CNTN4: variants seen among roughly 807,000 people sequenced by gnomAD.
CNTN4 encodes the protein contactin 4.
In CNTN4, 77 loss-of-function variants were observed where a neutral mutation model predicts 122.5. The ratio of observed to expected loss-of-function variants is 0.63; its 90% CI spans 0.52 to 0.76. The LOEUF (loss-of-function observed/expected upper bound fraction) is 0.76. CNTN4 is among the 30% of genes least tolerant of loss of function. CNTN4 has a pLI of 0.00. For missense variants in CNTN4, 1,256 were observed against 1,259.1 expected (o/e 1.00, Z 0.04); for synonymous variants, 512 against 447.0 (o/e 1.15, Z -1.83).
chr3:3,035,991 C>T (rs1699570810), intron 17 of CNTN4, among the ~76,000 whole-genome samples: 1 of 151,400 alleles, frequency 6.6e-6, no homozygotes, highest in South Asian at 2.1e-4. Flanking sequence ...TACATGTATA[C>T]AGCACTTCCT....
chr3:2,111,460 A>C lies in CNTN4; in HGVS notation c.-145+10821A>C, dbSNP rs773664699. ...CAACATATTAAGGTAAACTCTTAAGAAAAGAAACATAATATAATGTACTCC... is the reference window on the plus strand; with the variant it reads ...CAACATATTAAGGTAAACTCTTAAGCAAAGAAACATAATATAATGTACTCC... On this transcript the variant is annotated intron_variant, in intron 2 of 24. Coordinates refer to ENST00000418658, the MANE Select transcript of CNTN4 (RefSeq NM_175607.3). Among the ~76,000 whole-genome samples, 4 of 152,284 alleles carry C rather than the reference A, an allele frequency of 2.6e-5. No homozygotes were observed. In the South Asian group the frequency reaches 6.2e-4, roughly 24 times the overall value.
chr3:2,662,476 G>A (rs1340428956), intron 4 of CNTN4, among the ~76,000 whole-genome samples: 1 of 152,190 alleles, frequency 6.6e-6, no homozygotes, highest in East Asian at 1.9e-4. Flanking sequence ...TGTGCAAGAT[G>A]CTTTTATGAT....
intron 2 of CNTN4, among the ~76,000 whole-genome samples, chr3:2,200,861 T>C (rs2038066126): frequency 6.6e-6 from 1 of 152,178 alleles, no homozygotes; most frequent in Admixed American, 6.5e-5. Context: ...AGAGAAGAAT[T>C]GAAAATTTGG....
chr3:2,684,147 A>G (rs1006729850), intron 4 of CNTN4, among the ~76,000 whole-genome samples: 4 of 152,176 alleles, frequency 2.6e-5, no homozygotes, highest in African/African-American at 9.6e-5. Flanking sequence ...AGGAGTCTCC[A>G]TTTAAAATTT....
At chr3:2,539,027 T>G (rs2077927271) in intron 3 of CNTN4, among the ~76,000 whole-genome samples, 2 of 152,038 alleles carry the variant, frequency 1.3e-5, no homozygotes, top group Admixed American at 6.6e-5. Flanking sequence ...ATTTAGTTTC[T>G]TTTTAGCTTT....
At position 2,623,869 on chromosome 3, in the gene CNTN4, C is replaced by T. The variant is rs78900508; in HGVS notation, c.55+52311C>T. Among the ~76,000 whole-genome samples, 428 of 152,236 alleles carry T rather than the reference C, an allele frequency of 2.8e-3. 4 individuals carry two copies. The highest frequency in any genetic ancestry group is 9.9e-3 in the African/African-American group (411 of 41,566). ...AACAAGATACAGTACGTCAGGGTTT[C>T]TTAACCAGGCCTCACACATAGAAAA... On this transcript the variant is annotated intron_variant, in intron 4 of 24. Transcript: ENST00000418658.
chr3:2,318,066 G>A (rs757792205), intron 2 of CNTN4, among the ~76,000 whole-genome samples: 6 of 152,030 alleles, frequency 3.9e-5, no homozygotes, highest in South Asian at 2.1e-4. Flanking sequence ...AGTTTAAGAC[G>A]CCGAGCTCTG....
intron 6 of CNTN4, among the ~76,000 whole-genome samples, chr3:2,751,878 A>T (rs78698989): frequency 0.026 from 3,905 of 152,254 alleles, 163 homozygotes; most frequent in African/African-American, 0.088. Flanking sequence ...GCTTGAGAAG[A>T]TGAGATGTTA....
rs147893882 is a variant in CNTN4, at chr3:2,958,304, A to G, written c.1359-30041A>G. ...TTAATAAGTGAGCACCCCATTTTAT[A>G]TACTAGTTTCTCATTAGTTCTTATA... On this transcript the variant is annotated intron_variant, in intron 13 of 24. Transcript: ENST00000418658. 8.0e-3 allele frequency among the ~76,000 whole-genome samples: 1,223 copies of G among 152,304 alleles called. 14 individuals carry two copies. Among genetic ancestry groups the G allele is most frequent in the African/African-American group, 0.028 (1,164 of 41,562 alleles).
At chr3:2,390,022 A>T (rs1249886736) in intron 3 of CNTN4, among the ~76,000 whole-genome samples, 2 of 152,210 alleles carry the variant, frequency 1.3e-5, no homozygotes, top group Non-Finnish European at 2.9e-5. Flanking sequence ...TTTAAAGGAC[A>T]TTACTGGGAC....
chr3:2,955,147 G>A (rs115510124), intron 13 of CNTN4, among the ~76,000 whole-genome samples: 5 of 152,072 alleles, frequency 3.3e-5, no homozygotes, highest in African/African-American at 9.7e-5. Flanking sequence ...ACTAAAAAAC[G>A]GTAGACAGAA....
intron 2 of CNTN4, among the ~76,000 whole-genome samples, chr3:2,119,180 G>A (rs991841505): frequency 6.6e-6 from 1 of 152,192 alleles, no homozygotes; most frequent in African/African-American, 2.4e-5. Context: ...TTGGTCTCTG[G>A]CTGTGACATT....
intron 2 of CNTN4, among the ~76,000 whole-genome samples, chr3:2,208,288 A>T (rs1404791960): frequency 6.6e-6 from 1 of 152,152 alleles, no homozygotes. Context: ...GTTTATTCTG[A>T]CCGTCGTGGA....
At chr3:2,987,566 A>AT (rs1380071620) in intron 13 of CNTN4, among the ~76,000 whole-genome samples, 1 of 152,156 alleles carries the variant, frequency 6.6e-6, no homozygotes, top group African/African-American at 2.4e-5. Flanking sequence ...ATCTGTGTAC[A>AT]TTTTTTACTT....
intron 6 of CNTN4, among the ~76,000 whole-genome samples, chr3:2,791,300 G>C (rs1332615432): frequency 6.6e-6 from 1 of 152,200 alleles, no homozygotes. Flanking sequence ...GGGAAGCCAA[G>C]GCGGGCTGAT....
chr3:3,030,933 A>C lies in CNTN4; in HGVS notation c.1741A>C (p.Ser581Arg), dbSNP rs922320513. ...AGKYVCMVQTSVDRLSAAADL... is the reference protein window; with the variant it reads ...AGKYVCMVQTRVDRLSAAADL... ...GAAATATGTCTGCATGGTCCAAACA[A>C]GTGTGGACAGGCTATCTGCTGCTGC... Residue 581 changes from serine (S) to arginine (R), a missense_variant, in exon 16 of 25, where the codon AGT becomes CGT. Ser to Arg is a moderately radical substitution (Grantham distance 110, BLOSUM62 -1). Transcript: ENST00000418658. 6.2e-7 allele frequency: 1 copy of C among 1,613,802 alleles called. No homozygotes were observed. The highest frequency in any genetic ancestry group is 2.2e-5 in the East Asian group (1 of 44,900).
At position 2,573,829 on chromosome 3, in the gene CNTN4, G is replaced by A. The variant is rs139348375; in HGVS notation, c.55+2271G>A. Among the ~76,000 whole-genome samples the A allele has an allele frequency of 1.1e-3, 163 of 152,258 alleles. 1 individual carries two copies. Among genetic ancestry groups the A allele is most frequent in the Middle Eastern group, 0.01 (3 of 294 alleles). ...TTACCATATGCCTTCTTCAGTGTAG[G>A]AAAGTCAAGCTTTAATTAATGTTTT... On this transcript the variant is annotated intron_variant, in intron 4 of 24. Transcript: ENST00000418658.
chr3:2,136,518 G>T (rs1209840681), intron 2 of CNTN4, among the ~76,000 whole-genome samples: 1 of 151,976 alleles, frequency 6.6e-6, no homozygotes, highest in Non-Finnish European at 1.5e-5. Context: ...TTCCATTCTT[G>T]TTTGTTTGTG....
chr3:2,384,440 G>A (rs2046159054), intron 3 of CNTN4, among the ~76,000 whole-genome samples: 1 of 152,082 alleles, frequency 6.6e-6, no homozygotes, highest in Non-Finnish European at 1.5e-5. Context: ...TTAAATTGTG[G>A]GGAAAAAGCA....
Sources: gnomAD v4.1 joint callset for allele counts (sites outside exome capture counted in the v4.1 genomes callset) on GRCh38, gnomAD v4.1.1 for gene constraint, MANE v1.5 for transcripts, NCBI Gene and HGNC (gene_info 2026-07-23, HGNC 2026-07-21) for gene names.